The following ATP2B4 variants were observed in gnomAD, a reference collection of about 807,000 sequenced individuals.
ATP2B4 encodes the protein ATPase plasma membrane Ca2+ transporting 4, also known as plasma membrane calcium-transporting ATPase 4.
ATP2B4 carries 39 observed loss-of-function variants against 110.3 expected under a neutral mutation model. The observed-to-expected ratio is 0.35, with a 90% CI of 0.27 to 0.46. ATP2B4 has a LOEUF of 0.46. Ranked by LOEUF, ATP2B4 falls within the 20% of genes least tolerant of loss-of-function variation. ATP2B4 has a pLI of 1.00. For synonymous variants in ATP2B4, 538 were observed against 571.7 expected, an observed-to-expected ratio of 0.94 and a Z score of 0.84; for missense variants, 1,135 against 1,530.9, an observed-to-expected ratio of 0.74 and a Z score of 4.32.
intron 1 of ATP2B4, among the ~76,000 whole-genome samples, chr1:203,675,525 G>A (rs1172078288): frequency 2.0e-5 from 3 of 152,196 alleles, no homozygotes; most frequent in African/African-American, 7.2e-5. Flanking sequence ...TCCACAGCAT[G>A]CATAGATGTA....
rs1667025785 is a variant in ATP2B4, at chr1:203,743,106, T to G, written c.*3252T>G. 1 of 152,678 alleles carries G rather than the reference T, an allele frequency of 6.5e-6. No individual in the cohort carries two copies. The allele number at this position is 152,678 out of a possible 1,614,324, so 9.5% of individuals were successfully genotyped here. On this transcript the variant is annotated 3_prime_UTR_variant, in exon 21 of 21. Coordinates refer to ENST00000357681, the MANE Select transcript of ATP2B4 (RefSeq NM_001684.5). ...TTGTGGGTTCTTTAGGGTTTGAGTT[T>G]CTTCTTCCCCTTGAGCTTCAGAGAG...
chr1:203,728,119 GT>G, intron 20 of ATP2B4: 1 of 439,728 alleles, frequency 2.3e-6, no homozygotes, highest in Non-Finnish European at 4.7e-6. Flanking sequence ...GGTTTCATGT[GT>G]AAAAATGACA....
chr1:203,635,431 A>G (rs762531291), intron 1 of ATP2B4, among the ~76,000 whole-genome samples: 1 of 152,140 alleles, frequency 6.6e-6, no homozygotes, highest in Non-Finnish European at 1.5e-5. Context: ...ATGGCTGGCT[A>G]ATTTTTTTGT....
intron 20 of ATP2B4, among the ~76,000 whole-genome samples, chr1:203,729,127 GAGAA>G (rs1490863764): frequency 4.0e-5 from 6 of 150,928 alleles, no homozygotes; most frequent in Non-Finnish European, 8.8e-5. Context: ...AAAAAAAAAA[GAGAA>G]AGAAAAGAAG....
At chr1:203,717,110 A>G (rs1163756161) in intron 15 of ATP2B4, among the ~76,000 whole-genome samples, 1 of 151,178 alleles carries the variant, frequency 6.6e-6, no homozygotes, top group Non-Finnish European at 1.5e-5. Context: ...AGGCAGGAGA[A>G]TCACTTGAAC....
rs1665713568 is a variant in ATP2B4, at chr1:203,702,206, T to C, written c.937+127T>C. The C allele has an allele frequency of 9.7e-6, 12 of 1,233,218 alleles. No individual in the cohort carries two copies. In the South Asian group the frequency reaches 1.5e-4, roughly 16 times the overall value. 76.4% of individuals were successfully genotyped at this position (1,233,218 alleles called of 1,614,324 possible). ...TATCTGCTGCTGTGGCTCAGATGCCTCATCCTGAGGAAGGTGCAGAGATTT... is the reference window on the plus strand; with the variant it reads ...TATCTGCTGCTGTGGCTCAGATGCCCCATCCTGAGGAAGGTGCAGAGATTT... On this transcript the variant is annotated intron_variant, in intron 7 of 20. Coordinates refer to ENST00000357681, the MANE Select transcript of ATP2B4 (RefSeq NM_001684.5).
At chr1:203,686,042 T>C (rs1267763168) in intron 2 of ATP2B4, among the ~76,000 whole-genome samples, 1 of 151,988 alleles carries the variant, frequency 6.6e-6, no homozygotes, top group Non-Finnish European at 1.5e-5. Flanking sequence ...TGGCAATATC[T>C]AATTGCTTTC....
At chr1:203,628,521 C>A (rs1271163561) in intron 1 of ATP2B4, among the ~76,000 whole-genome samples, 1 of 152,136 alleles carries the variant, frequency 6.6e-6, no homozygotes, top group Non-Finnish European at 1.5e-5. Flanking sequence ...AACTGAGGCC[C>A]CTGTGGAGAG....
In ATP2B4 at chr1:203,709,397, G is replaced by T. The variant is rs1433534690; in HGVS notation, c.1654G>T (p.Ala552Ser). The T allele has an allele frequency of 1.2e-6, 2 of 1,614,212 alleles. No homozygotes were observed. The highest frequency in any genetic ancestry group is 1.7e-6 in the Non-Finnish European group (2 of 1,180,032). Residue 552 changes from alanine (A) to serine (S), a missense_variant, in exon 11 of 21, where the codon GCT becomes TCT. Ala to Ser is a moderately conservative substitution (Grantham distance 99). Around this residue, in one of 9 missense-constraint regions of ATP2B4, gnomAD observed 368 missense variants for 455.9 expected, o/e 0.81. Coordinates refer to ENST00000357681, the MANE Select transcript of ATP2B4 (RefSeq NM_001684.5). ...FVTDLKQDYQ[A>S]VRNEVPEEKL... ...CACAGATCTGAAGCAGGATTATCAGGCTGTGCGTAATGAAGTGCCCGAGGA... is the reference window on the plus strand; with the variant it reads ...CACAGATCTGAAGCAGGATTATCAGTCTGTGCGTAATGAAGTGCCCGAGGA...
chr1:203,727,727 G>T, intron 20 of ATP2B4, 156 bp downstream of exon 20: 2 of 874,902 alleles, frequency 2.3e-6, no homozygotes, highest in South Asian at 3.5e-5. Context: ...GGACAGACAC[G>T]CAAAAGGATC....
At chr1:203,690,487 C>T (rs1018505742) in intron 2 of ATP2B4, among the ~76,000 whole-genome samples, 55 of 152,046 alleles carry the variant, frequency 3.6e-4, no homozygotes, top group Non-Finnish European at 6.2e-4. Flanking sequence ...CTCTAAAGCA[C>T]GGTGGCGTTA....
intron 12 of ATP2B4, 112 bp from the exon 13 acceptor site, chr1:203,711,848 C>T (rs751393587): frequency 9.3e-5 from 115 of 1,239,648 alleles, no homozygotes; most frequent in Non-Finnish European, 1.3e-4. Context: ...CTGCATGGCA[C>T]CACTTCTAGG....
chr1:203,688,024 T>TATTATC (rs1249979334), intron 2 of ATP2B4, among the ~76,000 whole-genome samples: 1 of 147,654 alleles, frequency 6.8e-6, no homozygotes, highest in Non-Finnish European at 1.5e-5. Flanking sequence ...TTATTATTAT[T>TATTATC]ATTATTATTA....
chr1:203,673,383 G>T (rs1175511789), intron 1 of ATP2B4, among the ~76,000 whole-genome samples: 1 of 152,188 alleles, frequency 6.6e-6, no homozygotes, highest in Non-Finnish European at 1.5e-5. Flanking sequence ...CTTTCCAAAG[G>T]CCTAGGCTGA....
chr1:203,648,440 C>T (rs1663875085), intron 1 of ATP2B4, among the ~76,000 whole-genome samples: 1 of 152,154 alleles, frequency 6.6e-6, no homozygotes, highest in East Asian at 1.9e-4. Flanking sequence ...ATGGGAAAGT[C>T]CCTGTGCTTG....
chr1:203,682,942 A>G lies in ATP2B4; in HGVS notation c.-264A>G. 2.6e-6 allele frequency: 1 copy of G among 385,490 alleles called. No individual in the cohort carries two copies. The highest frequency in any genetic ancestry group is 4.8e-6 in the Non-Finnish European group (1 of 210,396). 23.9% of individuals were successfully genotyped at this position (385,490 alleles called of 1,614,324 possible). ...TCATCACCACCTGGGGACACCAATCATCGTGACACGGAGTCCACCTTCCAC... is the reference window on the plus strand; with the variant it reads ...TCATCACCACCTGGGGACACCAATCGTCGTGACACGGAGTCCACCTTCCAC... On this transcript the variant is annotated 5_prime_UTR_variant, in exon 2 of 21. Coordinates refer to ENST00000357681, the MANE Select transcript of ATP2B4 (RefSeq NM_001684.5).
intron 8 of ATP2B4, among the ~76,000 whole-genome samples, chr1:203,705,758 T>C (rs1665831358): frequency 6.6e-6 from 1 of 152,194 alleles, no homozygotes; most frequent in African/African-American, 2.4e-5. Flanking sequence ...ACCTGATGGC[T>C]GGCCACTAGT....
chr1:203,739,604 A>T lies in ATP2B4; in HGVS notation c.3368A>T (p.Asn1123Ile), dbSNP rs757602449. The T allele has an allele frequency of 1.2e-5, 19 of 1,614,004 alleles. No individual in the cohort carries two copies. Among genetic ancestry groups the T allele is most frequent in the Non-Finnish European group, 1.6e-5 (19 of 1,180,026 alleles). ...CACGAAAGCATTCAGAAACCCTACA[A>T]CCAAAAGTCCATCCACAGCTTCATG... is the stretch of plus-strand genomic sequence containing the variant. Reference protein sequence around the residue: ...SLHESIQKPYNQKSIHSFMTH... With the variant: ...SLHESIQKPYIQKSIHSFMTH... Residue 1123 changes from asparagine to isoleucine, a missense_variant, in exon 21 of 21, where the codon AAC becomes ATC. Asn to Ile is a moderately radical substitution (Grantham distance 149). Coordinates refer to ENST00000357681, the MANE Select transcript of ATP2B4 (RefSeq NM_001684.5).
At chr1:203,663,611 CT>C (rs892156841) in intron 1 of ATP2B4, among the ~76,000 whole-genome samples, 445 of 144,970 alleles carry the variant, frequency 3.1e-3, no homozygotes, top group Non-Finnish European at 3.4e-3. Flanking sequence ...CTCTCTCTCT[CT>C]TTTTTTTTTT....
Sources: gnomAD v4.1 joint callset for allele counts (sites outside exome capture counted in the v4.1 genomes callset) on GRCh38, gnomAD v4.1.1 for gene constraint, gnomAD v4.1.1 regional missense constraint, MANE v1.5 for transcripts, NCBI Gene and HGNC (gene_info 2026-07-23, HGNC 2026-07-21) for gene names.